AFF3: variants seen among roughly 807,000 people sequenced by gnomAD.
AFF3 encodes the protein ALF transcription elongation factor 3.
AFF3 carries 32 observed loss-of-function variants against 129.7 expected under a neutral mutation model. The ratio of observed to expected loss-of-function variants is 0.25; its 90% CI spans 0.19 to 0.33. The LOEUF is 0.33. Ranked by LOEUF, AFF3 falls within the 10% of genes least tolerant of loss-of-function variation. AFF3 has a pLI of 1.00. For synonymous variants in AFF3, 644 were observed against 635.4 expected (o/e 1.01, Z -0.20); for missense variants, 1,373 against 1,592.0 (o/e 0.86, Z 2.34).
chr2:99,981,078 T>C (rs58270548), intron 7 of AFF3, among the ~76,000 whole-genome samples: 29,432 of 152,196 alleles, frequency 0.19, 3,744 homozygotes, highest in African/African-American at 0.35. Flanking sequence ...TGCAATGGCG[T>C]GATCTCGGCT....
At chr2:99,985,747 C>CA in intron 7 of AFF3, among the ~76,000 whole-genome samples, 1 of 152,216 alleles carries the variant, frequency 6.6e-6, no homozygotes, top group East Asian at 1.9e-4. Context: ...AGGGCCATCA[C>CA]AAGGAGGGGG....
intron 11 of AFF3, among the ~76,000 whole-genome samples, chr2:99,677,815 A>G (rs1388729892): frequency 1.3e-5 from 2 of 152,068 alleles, no homozygotes; most frequent in African/African-American, 4.8e-5. Flanking sequence ...CAAACTCCCA[A>G]TTGTTGTTTT....
intron 12 of AFF3, among the ~76,000 whole-genome samples, chr2:99,671,716 T>C (rs529314512): frequency 3.9e-5 from 6 of 152,344 alleles, no homozygotes; most frequent in African/African-American, 1.4e-4. Flanking sequence ...CTCTGAATTG[T>C]CTTTCTACCC....
chr2:99,660,427 A>T (rs1009584745), intron 12 of AFF3, among the ~76,000 whole-genome samples: 6 of 152,246 alleles, frequency 3.9e-5, no homozygotes, highest in African/African-American at 1.4e-4. Flanking sequence ...ATTAGGAAAG[A>T]TTCTCCTAAT....
intron 4 of AFF3, among the ~76,000 whole-genome samples, chr2:100,022,916 A>G (rs1304558705): frequency 6.6e-6 from 1 of 152,196 alleles, no homozygotes; most frequent in Non-Finnish European, 1.5e-5. Context: ...AGTTGTATAC[A>G]CAGGAAGAGA....
At chr2:99,759,545 C>A (rs901689315) in intron 8 of AFF3, among the ~76,000 whole-genome samples, 6 of 152,134 alleles carry the variant, frequency 3.9e-5, no homozygotes, top group Admixed American at 3.9e-4. Flanking sequence ...AACTTGCTTG[C>A]TAATTTTGCT....
chr2:100,124,235 T>A (rs768918181), intron 2 of AFF3, among the ~76,000 whole-genome samples: 2 of 152,098 alleles, frequency 1.3e-5, no homozygotes, highest in Non-Finnish European at 2.9e-5. Context: ...TGAAAAAAAT[T>A]ATCAAAGAAA....
intron 18 of AFF3, among the ~76,000 whole-genome samples, chr2:99,572,196 T>A (rs1676531516): frequency 6.6e-6 from 1 of 151,908 alleles, no homozygotes; most frequent in Admixed American, 6.6e-5. Flanking sequence ...AGAGCTTAGC[T>A]GCATGCATCT....
chr2:99,712,373 G>A (rs1677972578), intron 11 of AFF3, among the ~76,000 whole-genome samples: 1 of 152,218 alleles, frequency 6.6e-6, no homozygotes, highest in Non-Finnish European at 1.5e-5. Flanking sequence ...ATTGAGGAAA[G>A]ACGAGCCCAG....
chr2:99,896,000 CG>C (rs1207864547), intron 7 of AFF3, among the ~76,000 whole-genome samples: 5 of 129,916 alleles, frequency 3.8e-5, no homozygotes, highest in South Asian at 2.6e-4. Flanking sequence ...ACCCAGGAGG[CG>C]GAGATTGCAG....
intron 8 of AFF3, 84 bp downstream of exon 8, chr2:99,837,393 C>T (rs1688959897): frequency 9.7e-6 from 13 of 1,336,094 alleles, no homozygotes; most frequent in African/African-American, 3.0e-5. Context: ...ACTATGGGCT[C>T]CTTTATCATG....
intron 4 of AFF3, among the ~76,000 whole-genome samples, chr2:100,035,882 G>A (rs1393312239): frequency 6.6e-6 from 1 of 152,070 alleles, no homozygotes; most frequent in Non-Finnish European, 1.5e-5. Context: ...AGATATGAAA[G>A]TTATCTGTTA....
chr2:99,956,465 G>C (rs1676661653), intron 7 of AFF3, among the ~76,000 whole-genome samples: 1 of 152,066 alleles, frequency 6.6e-6, no homozygotes, highest in East Asian at 1.9e-4. Flanking sequence ...TGTTACCGAA[G>C]CATAACTTAA....
In AFF3 at chr2:99,551,292, C is replaced by T. The variant is rs115803997; in HGVS notation, c.*182G>A. ...TGTGTATCTTACACACATACACAGG[C>T]GGCTTCTTATATACCCACACATACA... On this transcript the variant is annotated 3_prime_UTR_variant, in exon 25 of 25. Coordinates refer to ENST00000672756, the MANE Select transcript of AFF3 (RefSeq NM_001386135.1). 9.8e-4 allele frequency: 753 copies of T among 765,504 alleles called. 4 individuals are homozygous for T. The African/African-American group carries it at 0.012, about 12-fold the overall frequency. The allele number at this position is 765,504 out of a possible 1,614,324, so 47.4% of individuals were successfully genotyped here.
At chr2:99,884,651 G>A (rs139537753) in intron 7 of AFF3, among the ~76,000 whole-genome samples, 2,022 of 152,294 alleles carry the variant, frequency 0.013, 43 homozygotes, top group African/African-American at 0.046. Context: ...TGATCTGCCA[G>A]CCTTGGCCTC....
At chr2:99,685,725 A>C (rs1674991877) in intron 11 of AFF3, among the ~76,000 whole-genome samples, 1 of 152,220 alleles carries the variant, frequency 6.6e-6, no homozygotes. Flanking sequence ...GGGAATGTAC[A>C]CTTCTGAGAT....
chr2:99,837,772 A>C (rs1689003899), intron 7 of AFF3, among the ~76,000 whole-genome samples: 1 of 151,950 alleles, frequency 6.6e-6, no homozygotes, highest in Admixed American at 6.6e-5. Context: ...TGGCCCCTCC[A>C]ACCACCCTAC....
chr2:100,002,252 G>C (rs927461477), intron 7 of AFF3, among the ~76,000 whole-genome samples: 8 of 152,190 alleles, frequency 5.3e-5, no homozygotes, highest in Non-Finnish European at 8.8e-5. Flanking sequence ...CGACAGGCTG[G>C]TGCCGACTTT....
chr2:99,783,802 C>T (rs1293642241), intron 8 of AFF3, among the ~76,000 whole-genome samples: 1 of 152,148 alleles, frequency 6.6e-6, no homozygotes, highest in African/African-American at 2.4e-5. Context: ...ATATTTTATT[C>T]TTGCTGTGGT....
Sources: gnomAD v4.1 joint callset for allele counts (sites outside exome capture counted in the v4.1 genomes callset) on GRCh38, gnomAD v4.1.1 for gene constraint, MANE v1.5 for transcripts, NCBI Gene and HGNC (gene_info 2026-07-23, HGNC 2026-07-21) for gene names.